The following LUZP2 variants were observed in gnomAD, a reference collection of about 807,000 sequenced individuals.
LUZP2 encodes leucine zipper protein 2.
A neutral mutation model predicts 51.6 loss-of-function variants in LUZP2; 52 were observed. That is an observed-to-expected ratio of 1.01 (90% CI 0.81 to 1.27). LUZP2 has a LOEUF of 1.27. Among genes scored for constraint, LUZP2 ranks in the 50% most tolerant of loss-of-function variants. The probability of loss-of-function intolerance (pLI) is 0.00; values close to 1 mark genes in which losing one functional copy is unlikely to be tolerated. For missense variants in LUZP2, 436 were observed against 395.4 expected, an observed-to-expected ratio of 1.10 and a Z score of -0.87; for synonymous variants, 154 against 137.3, an observed-to-expected ratio of 1.12 and a Z score of -0.85.
At chr11:24,517,391 C>G (rs113380502) in intron 1 of LUZP2, among the ~76,000 whole-genome samples, 14,657 of 142,520 alleles carry the variant, frequency 0.1, 909 homozygotes, top group African/African-American at 0.18. Context: ...GAGGCTGAGG[C>G]AGGAGAATGG....
chr11:24,929,549 A>G (rs1297782494), intron 7 of LUZP2, among the ~76,000 whole-genome samples: 1 of 152,096 alleles, frequency 6.6e-6, no homozygotes, highest in Admixed American at 6.6e-5. Context: ...TCTGGAGTTG[A>G]ATTCCAATTT....
chr11:24,987,657 G>T (rs1250671494), intron 9 of LUZP2, among the ~76,000 whole-genome samples: 4 of 151,886 alleles, frequency 2.6e-5, no homozygotes, highest in Non-Finnish European at 5.9e-5. Context: ...GTCTTTCCAG[G>T]GCAGGAGGCC....
At chr11:24,697,931 T>C (rs1360712407) in intron 1 of LUZP2, among the ~76,000 whole-genome samples, 1 of 152,184 alleles carries the variant, frequency 6.6e-6, no homozygotes, top group East Asian at 1.9e-4. Flanking sequence ...CAGCTGGTCC[T>C]GTGACCCCCA....
chr11:25,043,715 T>C (rs1392058149), intron 9 of LUZP2, among the ~76,000 whole-genome samples: 1 of 148,782 alleles, frequency 6.7e-6, no homozygotes. Context: ...AGACAATATA[T>C]ACATATATAA....
At chr11:25,036,787 G>T (rs1857878476) in intron 9 of LUZP2, among the ~76,000 whole-genome samples, 1 of 151,918 alleles carries the variant, frequency 6.6e-6, no homozygotes, top group African/African-American at 2.4e-5. Flanking sequence ...TCTTTGTATT[G>T]ATTTCTATTT....
intron 9 of LUZP2, among the ~76,000 whole-genome samples, chr11:25,045,819 A>G (rs1158899268): frequency 6.6e-6 from 1 of 152,142 alleles, no homozygotes; most frequent in East Asian, 1.9e-4. Flanking sequence ...CACTTTATTG[A>G]CTTGATTCCC....
At chr11:24,870,790 T>G (rs898325634) in intron 5 of LUZP2, among the ~76,000 whole-genome samples, 1 of 152,114 alleles carries the variant, frequency 6.6e-6, no homozygotes, top group Non-Finnish European at 1.5e-5. Flanking sequence ...ACAAGATTCA[T>G]TCTATTATAA....
At chr11:25,048,291 C>T (rs968227681) in intron 9 of LUZP2, among the ~76,000 whole-genome samples, 3 of 152,166 alleles carry the variant, frequency 2.0e-5, no homozygotes, top group African/African-American at 7.2e-5. Flanking sequence ...GATGGCCTCC[C>T]TCATTCTTGC....
intron 1 of LUZP2, among the ~76,000 whole-genome samples, chr11:24,557,806 A>G (rs559883963): frequency 5.3e-5 from 8 of 152,284 alleles, no homozygotes; most frequent in Admixed American, 2.0e-4. Flanking sequence ...CTGAATGTCA[A>G]CTTTATGGGA....
At position 25,081,484 on chromosome 11, in the gene LUZP2, C is replaced by T. The variant is rs1056686995; in HGVS notation, c.*2826C>T. 6.6e-6 allele frequency: 1 copy of T among 150,910 alleles called. No individual in the cohort carries two copies. Among genetic ancestry groups the T allele is most frequent in the Non-Finnish European group, 1.5e-5 (1 of 67,858 alleles). The allele number at this position is 150,910 out of a possible 1,614,324, so 9.3% of individuals were successfully genotyped here. ...TATATTTAGGAGTTCCTTTTAATAA[C>T]TAAGTTAGAGACTCTCTTTCAGTAA... On this transcript the variant is annotated 3_prime_UTR_variant, in exon 12 of 12. Coordinates refer to ENST00000336930, the MANE Select transcript of LUZP2 (RefSeq NM_001009909.4).
At chr11:25,016,507 T>A (rs945538414) in intron 9 of LUZP2, among the ~76,000 whole-genome samples, 2 of 152,106 alleles carry the variant, frequency 1.3e-5, no homozygotes, top group African/African-American at 4.8e-5. Flanking sequence ...GGCTGCATAG[T>A]ATTCCATGGT....
intron 1 of LUZP2, among the ~76,000 whole-genome samples, chr11:24,711,918 C>T (rs534714494): frequency 6.6e-6 from 1 of 152,172 alleles, no homozygotes; most frequent in East Asian, 1.9e-4. Flanking sequence ...ATAAATGCAC[C>T]AAACTTTTGA....
chr11:24,813,171 A>C (rs1264357888), intron 5 of LUZP2, among the ~76,000 whole-genome samples: 1 of 152,176 alleles, frequency 6.6e-6, no homozygotes, highest in African/African-American at 2.4e-5. Context: ...TGATCTCCTG[A>C]ACAAGAGTCT....
intron 9 of LUZP2, among the ~76,000 whole-genome samples, chr11:25,001,639 C>T (rs1426835238): frequency 6.6e-6 from 1 of 152,110 alleles, no homozygotes; most frequent in African/African-American, 2.4e-5. Context: ...TTAAATTTAT[C>T]CTGGCTTTTA....
intron 5 of LUZP2, among the ~76,000 whole-genome samples, chr11:24,899,625 A>G (rs1019521312): frequency 6.6e-6 from 1 of 152,160 alleles, no homozygotes; most frequent in Non-Finnish European, 1.5e-5. Context: ...ATGCTATGCA[A>G]ACTGCAAGAG....
chr11:24,532,920 C>T (rs762882379), intron 1 of LUZP2, among the ~76,000 whole-genome samples: 15 of 151,020 alleles, frequency 9.9e-5, no homozygotes, highest in Non-Finnish European at 1.9e-4. Flanking sequence ...AAACATAAAT[C>T]TTAATACAGT....
chr11:24,614,623 C>T (rs966559674), intron 1 of LUZP2, among the ~76,000 whole-genome samples: 2 of 151,826 alleles, frequency 1.3e-5, no homozygotes, highest in Non-Finnish European at 2.9e-5. Context: ...TGTTCAAATG[C>T]GTAAAAATTA....
At chr11:24,957,515 C>A (rs888818569) in intron 7 of LUZP2, among the ~76,000 whole-genome samples, 14 of 152,124 alleles carry the variant, frequency 9.2e-5, no homozygotes, top group Non-Finnish European at 1.6e-4. Flanking sequence ...CCCCTCGATG[C>A]TTCCCAGCCT....
At chr11:24,646,007 C>G (rs1855450040) in intron 1 of LUZP2, among the ~76,000 whole-genome samples, 1 of 152,060 alleles carries the variant, frequency 6.6e-6, no homozygotes, top group Non-Finnish European at 1.5e-5. Context: ...AACCTCTGTT[C>G]AAACCTCACT....
Sources: allele counts gnomAD v4.1 joint callset (sites outside exome capture counted in the v4.1 genomes callset), GRCh38; gene constraint gnomAD v4.1.1; transcripts MANE v1.5; gene names NCBI Gene and HGNC (gene_info 2026-07-23, HGNC 2026-07-21).